ELOVL7: variants seen among roughly 807,000 people sequenced by gnomAD.
ELOVL7 encodes ELOVL fatty acid elongase 7.
Under a neutral mutation model 35.7 loss-of-function variants are expected in ELOVL7, and 27 were observed. The observed-to-expected ratio is 0.76, with a 90% CI of 0.56 to 1.04. The LOEUF (loss-of-function observed/expected upper bound fraction) is 1.04, where lower values mean the gene tolerates loss of function less well. ELOVL7 is among the 50% of genes least tolerant of loss of function. The pLI is 0.00. For missense variants in ELOVL7, 327 were observed against 340.8 expected (o/e 0.96, Z 0.32); for synonymous variants, 113 against 114.6 (o/e 0.99, Z 0.09).
At chr5:60,775,589 C>T (rs1012683811) in intron 3 of ELOVL7, among the ~76,000 whole-genome samples, 3 of 152,138 alleles carry the variant, frequency 2.0e-5, no homozygotes, top group Non-Finnish European at 4.4e-5. Flanking sequence ...TACTACACGG[C>T]TACAGTAACC....
chr5:60,829,554 G>A (rs1746364819), intron 1 of ELOVL7, among the ~76,000 whole-genome samples: 2 of 152,202 alleles, frequency 1.3e-5, no homozygotes, highest in Non-Finnish European at 2.9e-5. Flanking sequence ...ATGAACACAT[G>A]AACCCAGTTG....
At chr5:60,814,524 C>T (rs1745412625) in intron 1 of ELOVL7, among the ~76,000 whole-genome samples, 1 of 152,192 alleles carries the variant, frequency 6.6e-6, no homozygotes, top group African/African-American at 2.4e-5. Context: ...AAGAGAATAA[C>T]AATAACGCCC....
At chr5:60,778,989 A>G (rs535410896) in intron 3 of ELOVL7, among the ~76,000 whole-genome samples, 1 of 152,342 alleles carries the variant, frequency 6.6e-6, no homozygotes, top group East Asian at 1.9e-4. Context: ...GCCCCATGCA[A>G]GTCCAAAATC....
chr5:60,839,109 G>C (rs1295794363), intron 1 of ELOVL7, among the ~76,000 whole-genome samples: 1 of 152,014 alleles, frequency 6.6e-6, no homozygotes, highest in African/African-American at 2.4e-5. Context: ...AGGCTGAGGT[G>C]AGCAGATCAT....
chr5:60,832,757 A>G (rs557529110), intron 1 of ELOVL7, among the ~76,000 whole-genome samples: 1 of 152,100 alleles, frequency 6.6e-6, no homozygotes, highest in South Asian at 2.1e-4. Flanking sequence ...TGCCACTTCC[A>G]TGAGTGAGAT....
chr5:60,767,894 A>T lies in ELOVL7; in HGVS notation c.265T>A (p.Ser89Thr), dbSNP rs763772946. The change falls in exon 5 of 9, where the codon TCT (serine) becomes ACT (threonine). Residue 89 changes from serine to threonine, a missense_variant. Coordinates refer to ENST00000508821, the MANE Select transcript of ELOVL7 (RefSeq NM_024930.3). ...AATGAATAACCTATACCCCAGCCAG[A>T]CATCACAAACTGCAAGAGAGCACAT... ...SVYMCYEFVM[S>T]GWGIGYSFRC... 6.2e-7 allele frequency: 1 copy of T among 1,613,678 alleles called. No individual in the cohort carries two copies. Among genetic ancestry groups the T allele is most frequent in the South Asian group, 1.1e-5 (1 of 91,068 alleles).
chr5:60,795,669 C>T (rs1042850862), intron 2 of ELOVL7, among the ~76,000 whole-genome samples: 3 of 152,260 alleles, frequency 2.0e-5, no homozygotes, highest in African/African-American at 7.2e-5. Context: ...TTCCAACCCT[C>T]CGGATCCGGC....
intron 1 of ELOVL7, among the ~76,000 whole-genome samples, chr5:60,841,015 T>A (rs912145555): frequency 1.4e-5 from 2 of 145,422 alleles, no homozygotes; most frequent in Non-Finnish European, 3.0e-5. Flanking sequence ...CTAAAAAAAA[T>A]TACTTTCCTT....
intron 1 of ELOVL7, among the ~76,000 whole-genome samples, chr5:60,831,632 C>T (rs1746484445): frequency 6.6e-6 from 1 of 152,156 alleles, no homozygotes; most frequent in Admixed American, 6.5e-5. Context: ...TTATCAAGAA[C>T]CAATATTAAT....
chr5:60,790,079 G>A (rs1743837263), intron 2 of ELOVL7, among the ~76,000 whole-genome samples: 1 of 152,130 alleles, frequency 6.6e-6, no homozygotes, highest in Non-Finnish European at 1.5e-5. Context: ...AGAGGTTGCA[G>A]TGAGCCAAGA....
At chr5:60,786,680 C>T (rs1313848834) in intron 3 of ELOVL7, among the ~76,000 whole-genome samples, 1 of 152,122 alleles carries the variant, frequency 6.6e-6, no homozygotes, top group Non-Finnish European at 1.5e-5. Flanking sequence ...GGCACAGTGG[C>T]TCACACCTGT....
intron 1 of ELOVL7, among the ~76,000 whole-genome samples, chr5:60,818,236 T>A (rs1314006072): frequency 6.7e-6 from 1 of 148,232 alleles, no homozygotes; most frequent in Non-Finnish European, 1.5e-5. Flanking sequence ...TAGAATTGCT[T>A]GAACCCGGGA....
chr5:60,774,121 C>G (rs1426568006), intron 3 of ELOVL7, among the ~76,000 whole-genome samples: 1 of 152,138 alleles, frequency 6.6e-6, no homozygotes, highest in Non-Finnish European at 1.5e-5. Context: ...AGATTCCTCC[C>G]TAACTCATTC....
Position 60,796,623 on chromosome 5 carries a change from C to T in ELOVL7, c.-35+2557G>A, listed in dbSNP as rs76288475. Among the ~76,000 whole-genome samples the T allele has an allele frequency of 5.7e-3, 865 of 152,302 alleles. 10 individuals are homozygous for T. Among genetic ancestry groups the T allele is most frequent in the Middle Eastern group, 0.017 (5 of 294 alleles). On this transcript the variant is annotated intron_variant, in intron 2 of 8. Coordinates refer to ENST00000508821, the MANE Select transcript of ELOVL7 (RefSeq NM_024930.3). ...TCATTCAAATAAAAGTTTGCTTCAG[C>T]GTAATCACTTTGGCAATTACACATT...
chr5:60,774,934 T>C (rs1045902526), intron 3 of ELOVL7, among the ~76,000 whole-genome samples: 1 of 152,020 alleles, frequency 6.6e-6, no homozygotes, highest in Non-Finnish European at 1.5e-5. Context: ...CCCAGCTAAT[T>C]TTTGTATTTT....
intron 1 of ELOVL7, among the ~76,000 whole-genome samples, chr5:60,831,164 G>A (rs1746459904): frequency 6.6e-6 from 1 of 152,146 alleles, no homozygotes; most frequent in African/African-American, 2.4e-5. Context: ...ATGGACACAG[G>A]AGATTACCTT....
chr5:60,805,934 T>C (rs966755515), intron 1 of ELOVL7, among the ~76,000 whole-genome samples: 16 of 152,216 alleles, frequency 1.1e-4, no homozygotes, highest in African/African-American at 3.4e-4. Flanking sequence ...ATCCAAGTGT[T>C]ATGGATTGAA....
intron 1 of ELOVL7, among the ~76,000 whole-genome samples, chr5:60,821,153 C>T (rs1745860513): frequency 1.3e-5 from 2 of 152,154 alleles, no homozygotes; most frequent in Admixed American, 6.5e-5. Flanking sequence ...AGTCATCTTC[C>T]CAAGGATTAA....
chr5:60,790,927 A>G (rs1211349211), intron 2 of ELOVL7, among the ~76,000 whole-genome samples: 1 of 152,026 alleles, frequency 6.6e-6, no homozygotes, highest in Middle Eastern at 3.2e-3. Flanking sequence ...CATTCAATCA[A>G]ACTTATCCTT....
Sources: gnomAD v4.1 joint callset for allele counts (sites outside exome capture counted in the v4.1 genomes callset) on GRCh38, gnomAD v4.1.1 for gene constraint, MANE v1.5 for transcripts, NCBI Gene and HGNC (gene_info 2026-07-23, HGNC 2026-07-21) for gene names.